The following COA8 variants were observed in gnomAD, a reference collection of about 807,000 sequenced individuals.
COA8 encodes the protein cytochrome c oxidase assembly factor 8.
In COA8, 20 loss-of-function variants were observed where a neutral mutation model predicts 22.0. The ratio of observed to expected loss-of-function variants is 0.91; its 90% CI spans 0.64 to 1.32. The LOEUF (loss-of-function observed/expected upper bound fraction) is 1.32, where lower values mean the gene tolerates loss of function less well. Ranked by LOEUF, COA8 falls within the 40% of genes most tolerant of loss-of-function variation. COA8 has a pLI of 0.00. For synonymous variants in COA8, 105 were observed against 79.9 expected (o/e 1.31, Z -1.68); for missense variants, 266 against 230.0 (o/e 1.16, Z -1.01).
At chr14:103,572,904 T>A (rs950207612) in intron 2 of COA8, among the ~76,000 whole-genome samples, 3 of 151,658 alleles carry the variant, frequency 2.0e-5, no homozygotes, top group Non-Finnish European at 4.4e-5. Context: ...TGCCTCACCC[T>A]CCCGAGTAGC....
intron 3 of COA8, among the ~76,000 whole-genome samples, chr14:103,582,156 C>T (rs1392608985): frequency 1.3e-5 from 2 of 152,160 alleles, no homozygotes; most frequent in African/African-American, 4.8e-5. Context: ...CAGAGCCCAG[C>T]GCTCTTACAA....
At chr14:103,573,356 G>T (rs1453622698) in intron 2 of COA8, among the ~76,000 whole-genome samples, 1 of 151,762 alleles carries the variant, frequency 6.6e-6, no homozygotes, top group African/African-American at 2.4e-5. Flanking sequence ...GTTTAGAAGA[G>T]ATGGGGTTTC....
In COA8 at chr14:103,575,047, C is replaced by T. The variant is rs564271562; in HGVS notation, c.385+877C>T. 7.2e-5 allele frequency among the ~76,000 whole-genome samples: 11 copies of T among 152,378 alleles called. No individual in the cohort carries two copies. The South Asian group carries it at 1.4e-3, about 20-fold the overall frequency. On this transcript the variant is annotated intron_variant, in intron 3 of 4. Transcript: ENST00000409074. Reference sequence around the variant, plus strand: ...TGGCCTGGATTCTCACGTCGGGAGTCGGATTGCAAAGCCTTACTGGGCCTC... The same window carrying T: ...TGGCCTGGATTCTCACGTCGGGAGTTGGATTGCAAAGCCTTACTGGGCCTC...
chr14:103,587,267 C>T lies in COA8; in HGVS notation c.386-7C>T, dbSNP rs2076314650. The T allele has an allele frequency of 6.2e-7, 1 of 1,607,808 alleles. No homozygotes were observed. The highest frequency in any genetic ancestry group is 1.3e-5 in the African/African-American group (1 of 74,586). The stretch of plus-strand genomic sequence containing the variant: ...GTCTTAATGTTTAAGCTGAAATTAC[C>T]TTTCAGGTCAGAAAGCAACATTGAA... On this transcript the variant is annotated splice_region_variant and splice_polypyrimidine_tract_variant and intron_variant, in intron 3 of 4. Coordinates refer to ENST00000409074, the MANE Select transcript of COA8 (RefSeq NM_001370595.2).
intron 4 of COA8, 86 bp downstream of exon 4, chr14:103,587,450 A>T (rs2076316514): frequency 5.1e-6 from 4 of 779,156 alleles, no homozygotes; most frequent in Non-Finnish European, 8.1e-6. Flanking sequence ...AACAACATTC[A>T]TGTTTATATC....
At position 103,562,962 on chromosome 14, in the gene COA8, A is replaced by C. The variant is rs2076095866; in HGVS notation, c.-40A>C. ...GTAAAGCGGCCCCTCGCGCCGTCGCAATGCTGCCGTGCGCCGCGGGAGCCA... is the reference window on the plus strand; with the variant it reads ...GTAAAGCGGCCCCTCGCGCCGTCGCCATGCTGCCGTGCGCCGCGGGAGCCA... On this transcript the variant is annotated 5_prime_UTR_variant, in exon 1 of 5. Coordinates refer to ENST00000409074, the MANE Select transcript of COA8 (RefSeq NM_001370595.2). 1 of 1,476,416 alleles carries C rather than the reference A, an allele frequency of 6.8e-7. No individual in the cohort carries two copies. The highest frequency in any genetic ancestry group is 2.6e-5 in the East Asian group (1 of 38,536). 91.5% of individuals were successfully genotyped at this position (1,476,416 alleles called of 1,614,324 possible). A position where few individuals can be genotyped will look rare whatever the true frequency, so the allele number is the denominator to read the frequency against.
At chr14:103,571,895 AG>A in intron 2 of COA8, 75 bp downstream of exon 2, 1 of 1,283,686 alleles carries the variant, frequency 7.8e-7, no homozygotes, top group South Asian at 1.3e-5. Flanking sequence ...CGGGATGCCG[AG>A]GTGGGCAGAT....
Position 103,571,815 on chromosome 14 carries a change from A to G in COA8, c.316A>G (p.Ser106Gly), listed in dbSNP as rs1365682975. The G allele has an allele frequency of 6.2e-7, 1 of 1,613,656 alleles. No homozygotes were observed. Among genetic ancestry groups the G allele is most frequent in the Admixed American group, 1.7e-5 (1 of 59,964 alleles). Residue 106 changes from serine (S) to glycine (G), a missense_variant, in exon 2 of 5, where the codon AGT (serine) becomes GGT (glycine). Physicochemically the swap from Ser to Gly is moderately conservative, Grantham distance 56. Transcript: ENST00000409074. ...QFWANQNLTFSKEKEEFIHSR... is the reference protein window; with the variant it reads ...QFWANQNLTFGKEKEEFIHSR... ...CTGGGCAAACCAGAATTTGACTTTT[A>G]GTAAGGTAAGTTTAAGTTTTAGATC... is the stretch of plus-strand genomic sequence containing the variant.
intron 3 of COA8, among the ~76,000 whole-genome samples, chr14:103,583,260 C>G (rs966745839): frequency 1.3e-5 from 2 of 152,064 alleles, no homozygotes; most frequent in Non-Finnish European, 2.9e-5. Flanking sequence ...GTCTTTTTGG[C>G]CTGGCGCGGT....
chr14:103,577,760 C>T (rs993094686), intron 3 of COA8, among the ~76,000 whole-genome samples: 2 of 151,986 alleles, frequency 1.3e-5, no homozygotes, highest in Non-Finnish European at 2.9e-5. Flanking sequence ...TGCGGTGGCT[C>T]ATGCCTGTAA....
chr14:103,588,474 TA>T lies in COA8; in HGVS notation c.476+1117del, dbSNP rs370081517. Among the ~76,000 whole-genome samples, 537 of 139,334 alleles carry T rather than the reference TA, an allele frequency of 3.9e-3. 3 individuals carry two copies. Among genetic ancestry groups the T allele is most frequent in the African/African-American group, 7.4e-3 (283 of 38,112 alleles). 91.4% of individuals were successfully genotyped at this position (139,334 alleles called of 152,430 possible). ...ATAAATAAATAAATAAGTAAGTAAT[TA>T]AAAAAATATATATATATATATAAAA... is the stretch of plus-strand genomic sequence containing the variant. On this transcript the variant is annotated intron_variant, in intron 4 of 4. Coordinates refer to ENST00000409074, the MANE Select transcript of COA8 (RefSeq NM_001370595.2).
rs188005461 is a variant in COA8, at chr14:103,570,148, C to T, written c.124-1475C>T. 2.0e-3 allele frequency among the ~76,000 whole-genome samples: 300 copies of T among 152,156 alleles called. 1 individual carries two copies. Among genetic ancestry groups the T allele is most frequent in the African/African-American group, 7.0e-3 (292 of 41,544 alleles). ...CTGGGATTACAGGCGTGAGCCACCG[C>T]ACCTGGCTAGAAATGTAGGTTTTAT... is the stretch of plus-strand genomic sequence containing the variant. On this transcript the variant is annotated intron_variant, in intron 1 of 4. Coordinates refer to ENST00000409074, the MANE Select transcript of COA8 (RefSeq NM_001370595.2).
chr14:103,571,584 T>G (rs965631155), intron 1 of COA8, 39 bp from the exon 2 acceptor site: 1 of 1,510,632 alleles, frequency 6.6e-7, no homozygotes, highest in Non-Finnish European at 9.1e-7. Flanking sequence ...TACTAGAGAT[T>G]CATTTTGTCA....
At position 103,563,134 on chromosome 14, in the gene COA8, G is replaced by C. The variant is rs751821020; in HGVS notation, c.123+10G>C. The stretch of plus-strand genomic sequence containing the variant: ...TACGGCGCCCAGCGGGGTAAGCAGG[G>C]GCCTGGGGACATTGGGCCGGGAGGG... On this transcript the variant is annotated intron_variant, in intron 1 of 4. Transcript: ENST00000409074. The C allele has an allele frequency of 2.7e-4, 415 of 1,541,424 alleles. 2 individuals are homozygous for C. The highest frequency in any genetic ancestry group is 1.9e-3 in the East Asian group (77 of 41,482).
chr14:103,588,902 A>G (rs2076330625), intron 4 of COA8, among the ~76,000 whole-genome samples: 1 of 152,220 alleles, frequency 6.6e-6, no homozygotes, highest in African/African-American at 2.4e-5. Flanking sequence ...AGTCTGACCT[A>G]AAGATTAGTC....
At chr14:103,563,226 C>T (rs978256285) in intron 1 of COA8, 102 bp downstream of exon 1, 3 of 1,452,296 alleles carry the variant, frequency 2.1e-6, no homozygotes, top group African/African-American at 1.4e-5. Flanking sequence ...CGCCTCAGGC[C>T]TTTGTCCAGG....
chr14:103,581,445 A>AGGAGTCGCCTCCTGGGCTGGTC lies in COA8; in HGVS notation c.386-5823_386-5802dup. 2.6e-6 allele frequency: 1 copy of AGGAGTCGCCTCCTGGGCTGGTC among 392,006 alleles called. No individual in the cohort carries two copies. 24.3% of individuals were successfully genotyped at this position (392,006 alleles called of 1,614,324 possible). A position where few individuals can be genotyped will look rare whatever the true frequency, so the allele number is the denominator to read the frequency against. On this transcript the variant is annotated intron_variant, in intron 3 of 4. Coordinates refer to ENST00000409074, the MANE Select transcript of COA8 (RefSeq NM_001370595.2). The surrounding 1 kb of genome is among the most constrained non-coding windows in gnomAD (Gnocchi z 4.1). ...CACTGTGGAGGTGCTGGACAGAGGG[A>AGGAGTCGCCTCCTGGGCTGGTC]GGAGTCGCCTCCTGGGCTGGTCGGA...
At chr14:103,585,052 C>G (rs934877465) in intron 3 of COA8, among the ~76,000 whole-genome samples, 1 of 151,074 alleles carries the variant, frequency 6.6e-6, no homozygotes, top group Non-Finnish European at 1.5e-5. Flanking sequence ...GCAGGAGAAT[C>G]GCTTGAACCC....
intron 4 of COA8, among the ~76,000 whole-genome samples, chr14:103,588,628 G>C (rs1439819849): frequency 1.3e-5 from 2 of 152,104 alleles, no homozygotes; most frequent in East Asian, 3.8e-4. Context: ...TGGATTGCTT[G>C]AGCCCAGGAG....
Sources: gnomAD v4.1 joint callset for allele counts (sites outside exome capture counted in the v4.1 genomes callset) on GRCh38, gnomAD v4.1.1 for gene constraint, Gnocchi (gnomAD v3.1) non-coding constraint, MANE v1.5 for transcripts, NCBI Gene and HGNC (gene_info 2026-07-23, HGNC 2026-07-21) for gene names.